The following TASP1 variants were observed in gnomAD, a reference collection of about 807,000 sequenced individuals.
The protein encoded by TASP1 is threonine aspartase 1.
Under a neutral mutation model 56.6 loss-of-function variants are expected in TASP1, and 16 were observed. The observed-to-expected ratio is 0.28, with a 90% CI of 0.19 to 0.43. The LOEUF is 0.43. Among genes scored for constraint, TASP1 ranks in the 20% least tolerant of loss-of-function variants. The probability of loss-of-function intolerance (pLI) is 1.00; values close to 1 mark genes in which losing one functional copy is unlikely to be tolerated. For missense variants in TASP1, 393 were observed against 511.6 expected (o/e 0.77, Z 2.24); for synonymous variants, 179 against 184.2 (o/e 0.97, Z 0.23).
the TASP1 span, among the ~76,000 whole-genome samples, chr20:13,371,575 G>A: frequency 5.3e-5 from 8 of 152,086 alleles, no homozygotes; most frequent in Non-Finnish European, 1.0e-4. Context: ...CTGACATACA[G>A]TCTATTCTGG....
chr20:13,475,769 G>C (rs1038000773), intron 11 of TASP1, among the ~76,000 whole-genome samples: 4 of 151,852 alleles, frequency 2.6e-5, no homozygotes, highest in East Asian at 1.9e-4. Flanking sequence ...GGTGGCGGAT[G>C]CTTGTAATCT....
the TASP1 span, among the ~76,000 whole-genome samples, chr20:13,162,102 A>G: frequency 6.6e-6 from 1 of 152,238 alleles, no homozygotes; most frequent in Non-Finnish European, 1.5e-5. Context: ...AAGAAAAGAC[A>G]GGCAAAACTT....
chr20:13,423,784 T>C (rs1375050800), intron 12 of TASP1, among the ~76,000 whole-genome samples: 1 of 152,168 alleles, frequency 6.6e-6, no homozygotes, highest in Non-Finnish European at 1.5e-5. Flanking sequence ...TCCTATTTTT[T>C]AATGCCTCTA....
chr20:13,106,719 C>T, the TASP1 span, among the ~76,000 whole-genome samples: 2 of 152,188 alleles, frequency 1.3e-5, no homozygotes, highest in Admixed American at 6.5e-5. Flanking sequence ...CCGTGCCCTA[C>T]GTGCCATTAA....
chr20:13,267,703 A>G, the TASP1 span, among the ~76,000 whole-genome samples: 3 of 152,322 alleles, frequency 2.0e-5, no homozygotes, highest in African/African-American at 7.2e-5. Context: ...TCAGACATCT[A>G]GGCAAAATGT....
intron 11 of TASP1, among the ~76,000 whole-genome samples, chr20:13,478,295 G>A (rs1337799215): frequency 6.6e-6 from 1 of 151,444 alleles, no homozygotes; most frequent in Non-Finnish European, 1.5e-5. Context: ...CAATAGCAAA[G>A]ACATGGAATC....
At chr20:13,493,567 T>C (rs2043618877) in intron 10 of TASP1, among the ~76,000 whole-genome samples, 1 of 152,164 alleles carries the variant, frequency 6.6e-6, no homozygotes, top group Admixed American at 6.5e-5. Context: ...TGGGGGCTCT[T>C]GGGCCTTTGG....
the TASP1 span, chr20:13,126,568 T>G: frequency 1.2e-6 from 2 of 1,612,562 alleles, no homozygotes; most frequent in Non-Finnish European, 1.7e-6. Flanking sequence ...GCCTTCTTTT[T>G]GGGTTTCCCC....
chr20:13,590,176 G>T (rs2047469085), intron 4 of TASP1, among the ~76,000 whole-genome samples: 1 of 152,156 alleles, frequency 6.6e-6, no homozygotes, highest in Admixed American at 6.5e-5. Flanking sequence ...AGGTTGTAGT[G>T]AGCCAAGATC....
At chr20:13,434,143 T>C (rs2042922787) in intron 12 of TASP1, among the ~76,000 whole-genome samples, 1 of 152,178 alleles carries the variant, frequency 6.6e-6, no homozygotes, top group Non-Finnish European at 1.5e-5. Flanking sequence ...GGCAAAGTTC[T>C]ATTTTTTTTT....
the TASP1 span, among the ~76,000 whole-genome samples, chr20:13,266,008 G>T: frequency 6.6e-6 from 1 of 152,096 alleles, no homozygotes; most frequent in Admixed American, 6.5e-5. Flanking sequence ...CTCATTTCAG[G>T]CAGGACAAAG....
chr20:13,508,024 C>T (rs1242731366), intron 10 of TASP1, among the ~76,000 whole-genome samples: 4 of 151,992 alleles, frequency 2.6e-5, no homozygotes, highest in South Asian at 2.1e-4. Context: ...TGAATATCTA[C>T]GTGCAAAAAA....
the TASP1 span, among the ~76,000 whole-genome samples, chr20:13,301,362 T>C: frequency 2.6e-5 from 4 of 152,150 alleles, no homozygotes; most frequent in Non-Finnish European, 5.9e-5. Flanking sequence ...CTAACTCTTG[T>C]ATTTTTAGGA....
At chr20:13,596,006 C>G (rs2047715612) in intron 4 of TASP1, among the ~76,000 whole-genome samples, 1 of 152,168 alleles carries the variant, frequency 6.6e-6, no homozygotes, top group African/African-American at 2.4e-5. Flanking sequence ...TGTAAAAGAA[C>G]AGAAATCACA....
chr20:13,310,698 TA>T, the TASP1 span, among the ~76,000 whole-genome samples: 2 of 151,948 alleles, frequency 1.3e-5, no homozygotes, highest in East Asian at 3.9e-4. Flanking sequence ...CCGAAATACA[TA>T]AAAAACTCAA....
chr20:13,629,864 C>CA, intron 2 of TASP1, 70 bp downstream of exon 2: 1 of 1,595,658 alleles, frequency 6.3e-7, no homozygotes, highest in Non-Finnish European at 8.5e-7. Flanking sequence ...ATGTGATTCT[C>CA]AGTGTACTTC....
intron 11 of TASP1, among the ~76,000 whole-genome samples, chr20:13,479,411 C>T (rs2043054118): frequency 1.3e-5 from 2 of 151,942 alleles, no homozygotes; most frequent in African/African-American, 2.4e-5. Context: ...TTGAGATCCA[C>T]CATTAATAGT....
intron 10 of TASP1, among the ~76,000 whole-genome samples, chr20:13,495,311 C>T (rs6033734): frequency 0.022 from 3,270 of 152,086 alleles, 121 homozygotes; most frequent in African/African-American, 0.074. Context: ...TAAAGCTGTA[C>T]GCAAAGTTTA....
chr20:13,386,387 G>A (rs1326353691), downstream of TASP1, among the ~76,000 whole-genome samples: 3 of 152,112 alleles, frequency 2.0e-5, no homozygotes, highest in African/African-American at 7.2e-5. Context: ...GTAGGATTAT[G>A]AGCTAAATTT....
Sources: gnomAD v4.1 joint callset for allele counts (sites outside exome capture counted in the v4.1 genomes callset) on GRCh38, gnomAD v4.1.1 for gene constraint, MANE v1.5 for transcripts, NCBI Gene and HGNC (gene_info 2026-07-23, HGNC 2026-07-21) for gene names.